Variants in ROBO2 observed in about 807,000 individuals in gnomAD.
ROBO2 encodes the protein roundabout guidance receptor 2.
ROBO2 carries 53 observed loss-of-function variants against 160.8 expected under a neutral mutation model. That is an observed-to-expected ratio of 0.33 (90% confidence interval 0.26 to 0.41). The LOEUF is 0.41. ROBO2 is among the 10% of genes least tolerant of loss of function. ROBO2 has a pLI of 1.00. For missense variants in ROBO2, 1,577 were observed against 1,722.4 expected, an observed-to-expected ratio of 0.92 and a Z score of 1.49; for synonymous variants, 664 against 611.7, an observed-to-expected ratio of 1.09 and a Z score of -1.26.
intron 2 of ROBO2, among the ~76,000 whole-genome samples, chr3:77,119,585 T>C (rs1335079973): frequency 3.3e-5 from 5 of 152,186 alleles, no homozygotes; most frequent in Admixed American, 3.3e-4. Flanking sequence ...AGCACGGAAG[T>C]AAAATCTCCA....
rs190446399 is a variant in ROBO2, at chr3:77,066,959, A to T, written c.61+26113A>T. On this transcript the variant is annotated intron_variant, in intron 1 of 25. Coordinates refer to ENST00000461745, the Ensembl canonical transcript of ROBO2. ...TTTAGTTTAAATATTTTAAGAAAAG[A>T]TTCTTTTCCCCTCCCCCCTCCACCC... is the stretch of plus-strand genomic sequence containing the variant. Among the ~76,000 whole-genome samples the T allele has an allele frequency of 1.8e-4, 28 of 151,566 alleles. No individual in the cohort carries two copies. The East Asian group carries it at 2.3e-3, about 13-fold the overall frequency.
At chr3:77,526,772 G>T (rs2153631320) in intron 6 of ROBO2, among the ~76,000 whole-genome samples, 1 of 151,582 alleles carries the variant, frequency 6.6e-6, no homozygotes, top group East Asian at 2.0e-4. Flanking sequence ...GTCAGTCATT[G>T]TTTCCTGCCC....
chr3:76,739,511 AG>A, intron 2 of ROBO2, among the ~76,000 whole-genome samples: 1 of 151,842 alleles, frequency 6.6e-6, no homozygotes, highest in East Asian at 1.9e-4. Flanking sequence ...GGATAGCATT[AG>A]GAGATATACC....
chr3:76,320,914 A>G (rs1387952159), intron 2 of ROBO2, among the ~76,000 whole-genome samples: 2 of 152,206 alleles, frequency 1.3e-5, no homozygotes, highest in Non-Finnish European at 1.5e-5. Flanking sequence ...ATATGGAACA[A>G]CGTAGATATA....
At chr3:77,029,210 C>T (rs991183278) in intron 2 of ROBO2, among the ~76,000 whole-genome samples, 5 of 152,032 alleles carry the variant, frequency 3.3e-5, no homozygotes, top group African/African-American at 9.7e-5. Context: ...TTTATCAGTA[C>T]TTATTAATGA....
At chr3:77,477,553 C>A in exon 3 of ROBO2, 2 of 1,613,896 alleles carry the variant, frequency 1.2e-6, no homozygotes, top group Non-Finnish European at 1.7e-6. Context: ...GAATTGATGA[C>A]AAGGAAGAAA....
intron 2 of ROBO2, among the ~76,000 whole-genome samples, chr3:77,099,540 C>T (rs2071613741): frequency 6.6e-6 from 1 of 152,018 alleles, no homozygotes; most frequent in South Asian, 2.1e-4. Context: ...GTACTGGCCA[C>T]CAAATAGTTT....
At chr3:76,884,559 C>A (rs2073691871) in intron 2 of ROBO2, among the ~76,000 whole-genome samples, 1 of 152,248 alleles carries the variant, frequency 6.6e-6, no homozygotes, top group South Asian at 2.1e-4. Context: ...TCCCCTAGGA[C>A]TCTAACCACC....
intron 20 of ROBO2, among the ~76,000 whole-genome samples, chr3:77,607,487 C>T (rs1009208014): frequency 4.6e-5 from 7 of 151,956 alleles, no homozygotes; most frequent in African/African-American, 1.7e-4. Context: ...TTGTTATGGC[C>T]CATTATTTCC....
intron 2 of ROBO2, among the ~76,000 whole-genome samples, chr3:77,170,117 T>C (rs2079492919): frequency 6.6e-6 from 1 of 152,154 alleles, no homozygotes; most frequent in East Asian, 1.9e-4. Context: ...GAGTGTACAT[T>C]CTCTGTCACT....
intron 2 of ROBO2, among the ~76,000 whole-genome samples, chr3:77,164,919 C>A (rs1293857944): frequency 8.7e-6 from 1 of 114,314 alleles, no homozygotes; most frequent in African/African-American, 3.0e-5. Flanking sequence ...GCCAGCCGCC[C>A]CGTCCGGGAG....
At chr3:76,580,641 A>G (rs781273957) in intron 2 of ROBO2, among the ~76,000 whole-genome samples, 2 of 151,924 alleles carry the variant, frequency 1.3e-5, no homozygotes, top group African/African-American at 2.4e-5. Context: ...CCCAAGAATA[A>G]ATATGTCATT....
At chr3:76,973,051 G>A (rs2149290382) in intron 2 of ROBO2, among the ~76,000 whole-genome samples, 1 of 152,260 alleles carries the variant, frequency 6.6e-6, no homozygotes, top group South Asian at 2.1e-4. Context: ...CAAGTTAACA[G>A]TACAAATATC....
At chr3:76,586,669 G>A (rs2086059781) in intron 2 of ROBO2, among the ~76,000 whole-genome samples, 1 of 152,194 alleles carries the variant, frequency 6.6e-6, no homozygotes, top group South Asian at 2.1e-4. Context: ...CATGTGGCTA[G>A]TAGCTACCAT....
chr3:76,704,218 T>G (rs2107505061), intron 2 of ROBO2, among the ~76,000 whole-genome samples: 1 of 152,282 alleles, frequency 6.6e-6, no homozygotes, highest in East Asian at 1.9e-4. Flanking sequence ...AAGTTCATTT[T>G]CACAAAGTTC....
intron 2 of ROBO2, among the ~76,000 whole-genome samples, chr3:77,338,982 T>G (rs1404354834): frequency 4.6e-5 from 7 of 152,250 alleles, no homozygotes; most frequent in African/African-American, 1.7e-4. Context: ...TCAAAATGGT[T>G]GTTTAATTTT....
At chr3:75,972,047 T>A (rs1201285202) in intron 2 of ROBO2, among the ~76,000 whole-genome samples, 1 of 151,690 alleles carries the variant, frequency 6.6e-6, no homozygotes. Flanking sequence ...CAATTTTAGA[T>A]AATTCACCAT....
intron 2 of ROBO2, among the ~76,000 whole-genome samples, chr3:76,273,022 T>A (rs1187560440): frequency 2.0e-5 from 2 of 98,474 alleles, no homozygotes; most frequent in Non-Finnish European, 3.7e-5. Context: ...ATATTATATA[T>A]AATATATATT....
chr3:76,002,916 G>C (rs1367877565), intron 2 of ROBO2, among the ~76,000 whole-genome samples: 1 of 152,138 alleles, frequency 6.6e-6, no homozygotes, highest in African/African-American at 2.4e-5. Flanking sequence ...AGTGTGCACT[G>C]TTTTGTTAGG....
Sources: allele counts gnomAD v4.1 joint callset (sites outside exome capture counted in the v4.1 genomes callset), GRCh38; gene constraint gnomAD v4.1.1; transcripts MANE v1.5; gene names NCBI Gene and HGNC (gene_info 2026-07-23, HGNC 2026-07-21).